Variants in PIK3C2G observed in about 807,000 individuals in gnomAD.
PIK3C2G encodes phosphatidylinositol 3-kinase C2 domain-containing subunit gamma.
Under a neutral mutation model 181.1 loss-of-function variants are expected in PIK3C2G, and 168 were observed. The observed-to-expected ratio is 0.93, with a 90% CI of 0.82 to 1.05. The LOEUF is 1.05. Ranked by LOEUF, PIK3C2G falls within the 50% of genes least tolerant of loss-of-function variation. The pLI, the probability that PIK3C2G is intolerant of heterozygous loss-of-function variation, is 0.00. For missense variants in PIK3C2G, 1,869 were observed against 1,732.8 expected, an observed-to-expected ratio of 1.08 and a Z score of -1.40; for synonymous variants, 573 against 592.2, an observed-to-expected ratio of 0.97 and a Z score of 0.47.
chr12:18,512,882 G>A (rs58198477), intron 24 of PIK3C2G, among the ~76,000 whole-genome samples: 2,238 of 151,884 alleles, frequency 0.015, 54 homozygotes, highest in African/African-American at 0.052. Flanking sequence ...TGATCTTAGA[G>A]GAAAAGCTTT....
intron 21 of PIK3C2G, among the ~76,000 whole-genome samples, chr12:18,496,971 G>A (rs114178235): frequency 0.015 from 2,249 of 152,196 alleles, 59 homozygotes; most frequent in African/African-American, 0.052. Context: ...TTTTCAAAAC[G>A]AAATTTCTTA....
chr12:18,269,981 C>T (rs1407249001), intron 1 of PIK3C2G, among the ~76,000 whole-genome samples: 1 of 146,228 alleles, frequency 6.8e-6, no homozygotes, highest in African/African-American at 2.5e-5. Context: ...GAGATCTTAG[C>T]TCACTGCAAC....
intron 1 of PIK3C2G, among the ~76,000 whole-genome samples, chr12:18,248,991 A>G (rs936646168): frequency 6.6e-6 from 1 of 152,104 alleles, no homozygotes; most frequent in African/African-American, 2.4e-5. Flanking sequence ...TATTCTCTTT[A>G]TCCTAAACAC....
intron 31 of PIK3C2G, among the ~76,000 whole-genome samples, chr12:18,638,483 G>GAC (rs1290930607): frequency 6.6e-6 from 1 of 152,156 alleles, no homozygotes; most frequent in Non-Finnish European, 1.5e-5. Flanking sequence ...TTTAACAGTA[G>GAC]ACACTTTGTG....
intron 14 of PIK3C2G, among the ~76,000 whole-genome samples, chr12:18,384,908 A>G (rs1234590236): frequency 6.6e-6 from 1 of 152,246 alleles, no homozygotes; most frequent in East Asian, 1.9e-4. Context: ...GATGCAATAT[A>G]TAAAATAAGA....
intron 8 of PIK3C2G, among the ~76,000 whole-genome samples, chr12:18,332,774 G>A (rs999161046): frequency 6.6e-6 from 1 of 152,112 alleles, no homozygotes; most frequent in Non-Finnish European, 1.5e-5. Context: ...GTGCAGCTTA[G>A]AGTTTTGCTT....
chr12:18,383,153 T>C (rs943755349), intron 14 of PIK3C2G, among the ~76,000 whole-genome samples: 5 of 152,328 alleles, frequency 3.3e-5, no homozygotes, highest in Admixed American at 3.3e-4. Flanking sequence ...CCGGTAAACA[T>C]ATTCTACTAA....
chr12:18,377,686 T>A (rs1334681794), intron 13 of PIK3C2G, among the ~76,000 whole-genome samples: 1 of 152,214 alleles, frequency 6.6e-6, no homozygotes, highest in East Asian at 1.9e-4. Flanking sequence ...TTCCATTATA[T>A]GAAAGTCTTT....
intron 16 of PIK3C2G, among the ~76,000 whole-genome samples, chr12:18,414,866 A>G (rs1173534350): frequency 6.6e-6 from 1 of 152,194 alleles, no homozygotes; most frequent in Non-Finnish European, 1.5e-5. Context: ...CTATGTTCGG[A>G]CATGCTTTAA....
intron 18 of PIK3C2G, among the ~76,000 whole-genome samples, chr12:18,456,062 A>G (rs1263196556): frequency 6.6e-6 from 1 of 152,180 alleles, no homozygotes; most frequent in Non-Finnish European, 1.5e-5. Context: ...GTTGCCTTAC[A>G]GAACAAAGAC....
chr12:18,264,592 T>A (rs1395363407), intron 1 of PIK3C2G, among the ~76,000 whole-genome samples: 2 of 152,158 alleles, frequency 1.3e-5, no homozygotes, highest in African/African-American at 4.8e-5. Flanking sequence ...TGTTGTGATA[T>A]TTTTTGCTTA....
At position 18,294,040 on chromosome 12, in the gene PIK3C2G, T is replaced by G. The variant is rs780872302; in HGVS notation, c.1034+25T>G. 7.3e-6 allele frequency: 8 copies of G among 1,092,756 alleles called. No individual in the cohort carries two copies. The South Asian group carries it at 1.1e-4, about 14-fold the overall frequency. 67.7% of individuals were successfully genotyped at this position (1,092,756 alleles called of 1,614,324 possible). The stretch of plus-strand genomic sequence containing the variant: ...AGTAAGTATTTTATGAAATTTTGGT[T>G]GTATTATAATCTGTAAATATTAAGT... On this transcript the variant is annotated intron_variant, in intron 5 of 32. Transcript: ENST00000538779.
upstream of PIK3C2G, among the ~76,000 whole-genome samples, chr12:18,243,194 C>CTGTG (rs71440357): frequency 0.014 from 2,049 of 148,302 alleles, 37 homozygotes; most frequent in African/African-American, 0.043. Flanking sequence ...TAAAGTCTTT[C>CTGTG]TGTGTGTGTG....
At chr12:18,704,664 A>C in the PIK3C2G span, among the ~76,000 whole-genome samples, 1 of 152,208 alleles carries the variant, frequency 6.6e-6, no homozygotes, top group Admixed American at 6.5e-5. Context: ...CAGAGAGAGA[A>C]GTGAAGTCCT....
chr12:18,442,595 C>T (rs1442954144), intron 18 of PIK3C2G, among the ~76,000 whole-genome samples: 1 of 152,020 alleles, frequency 6.6e-6, no homozygotes, highest in East Asian at 1.9e-4. Flanking sequence ...CAAGAACGAA[C>T]TCATACAAAT....
the PIK3C2G span, chr12:18,687,950 A>G: frequency 9.0e-7 from 1 of 1,108,432 alleles, no homozygotes; most frequent in Non-Finnish European, 1.3e-6. Context: ...TGCATATAAC[A>G]TTTTGCTAAT....
chr12:18,295,704 T>C (rs890084444), intron 5 of PIK3C2G, among the ~76,000 whole-genome samples: 1 of 152,042 alleles, frequency 6.6e-6, no homozygotes, highest in African/African-American at 2.4e-5. Context: ...ATATGTAAAA[T>C]ATAGTCATTT....
chr12:18,576,912 A>G (rs889105895), intron 29 of PIK3C2G, among the ~76,000 whole-genome samples: 1 of 152,178 alleles, frequency 6.6e-6, no homozygotes, highest in Admixed American at 6.5e-5. Flanking sequence ...GGAATGGTGG[A>G]TGGATTATTA....
chr12:18,551,408 G>A (rs1944722310), intron 26 of PIK3C2G, among the ~76,000 whole-genome samples: 1 of 152,014 alleles, frequency 6.6e-6, no homozygotes, highest in African/African-American at 2.4e-5. Flanking sequence ...ACCAGACTGG[G>A]ATCATTAAGC....
Sources: allele counts gnomAD v4.1 joint callset (sites outside exome capture counted in the v4.1 genomes callset), GRCh38; gene constraint gnomAD v4.1.1; transcripts MANE v1.5; gene names NCBI Gene and HGNC (gene_info 2026-07-23, HGNC 2026-07-21).